CCDC158: variants seen among roughly 807,000 people sequenced by gnomAD.
CCDC158 encodes coiled-coil domain containing 158.
Under a neutral mutation model 138.6 loss-of-function variants are expected in CCDC158, and 116 were observed. The observed-to-expected ratio is 0.84, with a 90% CI of 0.72 to 0.98. The LOEUF is 0.98. Among genes scored for constraint, CCDC158 ranks in the 50% least tolerant of loss-of-function variants. The pLI is 0.00. For synonymous variants in CCDC158, 436 were observed against 442.4 expected, an observed-to-expected ratio of 0.99 and a Z score of 0.18; for missense variants, 1,265 against 1,306.1, an observed-to-expected ratio of 0.97 and a Z score of 0.48.
At chr4:76,340,695 C>A (rs1721967128) in intron 18 of CCDC158, among the ~76,000 whole-genome samples, 1 of 151,946 alleles carries the variant, frequency 6.6e-6, no homozygotes, top group South Asian at 2.1e-4. Context: ...CATCTAGTTG[C>A]AGGAAAACAA....
intron 9 of CCDC158, among the ~76,000 whole-genome samples, chr4:76,378,303 C>T (rs1252701489): frequency 3.9e-5 from 6 of 152,178 alleles, no homozygotes; most frequent in Non-Finnish European, 5.9e-5. Flanking sequence ...TACTGTTACC[C>T]TATAGAATTG....
At chr4:76,357,345 G>A in intron 14 of CCDC158, 29 bp downstream of exon 14, 1 of 1,451,562 alleles carries the variant, frequency 6.9e-7, no homozygotes, top group African/African-American at 1.4e-5. Context: ...AAAAACAGAA[G>A]AAAAAATTTT....
chr4:76,328,563 C>T (rs78398915), intron 22 of CCDC158, among the ~76,000 whole-genome samples: 4,021 of 152,288 alleles, frequency 0.026, 176 homozygotes, highest in African/African-American at 0.092. Flanking sequence ...GAATAACAGG[C>T]ATGAGCCATC....
chr4:76,379,507 T>A, intron 8 of CCDC158, 103 bp from the exon 9 acceptor site: 1 of 556,516 alleles, frequency 1.8e-6, no homozygotes, highest in Non-Finnish European at 3.0e-6. Flanking sequence ...TTATTTTATA[T>A]GGCATTATTA....
intron 2 of CCDC158, among the ~76,000 whole-genome samples, chr4:76,404,075 G>A (rs1728623996): frequency 6.6e-6 from 1 of 152,066 alleles, no homozygotes; most frequent in Non-Finnish European, 1.5e-5. Flanking sequence ...GGTTTCTTGG[G>A]GTGAATGAGA....
intron 3 of CCDC158, among the ~76,000 whole-genome samples, chr4:76,397,639 T>G (rs1210570482): frequency 3.9e-5 from 6 of 152,194 alleles, no homozygotes; most frequent in Non-Finnish European, 7.3e-5. Flanking sequence ...AATGAATAAA[T>G]GTACTGAAGT....
chr4:76,398,317 T>C (rs1728011554), intron 3 of CCDC158, among the ~76,000 whole-genome samples: 1 of 152,186 alleles, frequency 6.6e-6, no homozygotes, highest in East Asian at 1.9e-4. Context: ...GGGGGAAATG[T>C]AACTTTCAAT....
chr4:76,386,641 A>G (rs1726821003), intron 4 of CCDC158, among the ~76,000 whole-genome samples: 1 of 92,630 alleles, frequency 1.1e-5, no homozygotes. Context: ...ACCCTCCACC[A>G]TTAAAAATAT....
chr4:76,336,970 A>T (rs1359343199), intron 18 of CCDC158, among the ~76,000 whole-genome samples: 1 of 152,194 alleles, frequency 6.6e-6, no homozygotes, highest in African/African-American at 2.4e-5. Context: ...TATTCACTAC[A>T]ACAATAGAAA....
chr4:76,345,586 A>G, intron 18 of CCDC158: 1 of 1,065,620 alleles, frequency 9.4e-7, no homozygotes, highest in Non-Finnish European at 1.5e-6. Context: ...TTCAAGAATA[A>G]CTGATATGCC....
chr4:76,345,515 T>C, intron 18 of CCDC158: 1 of 934,630 alleles, frequency 1.1e-6, no homozygotes, highest in Non-Finnish European at 1.8e-6. Context: ...TTGAAATGTC[T>C]GAACTGGAAA....
At chr4:76,326,074 A>G in intron 22 of CCDC158, 59 bp from the exon 23 acceptor site, 1 of 1,370,116 alleles carries the variant, frequency 7.3e-7, no homozygotes, top group Non-Finnish European at 1.0e-6. Context: ...AGCAAACTGC[A>G]CCTCTCAAAA....
At chr4:76,335,191 C>T (rs1721366076) in intron 18 of CCDC158, among the ~76,000 whole-genome samples, 1 of 152,256 alleles carries the variant, frequency 6.6e-6, no homozygotes, top group South Asian at 2.1e-4. Context: ...GGATGTGAAT[C>T]ACTTTGTCAA....
Position 76,421,119 on chromosome 4 carries a change from C to T in CCDC158, c.-271G>A, listed in dbSNP as rs1730092546. On this transcript the variant is annotated 5_prime_UTR_variant, in exon 1 of 25. Transcript: ENST00000682701. ...CGGAGGCTGCGGGGCGGCTCCTCCT[C>T]CTCGGCTGCGGCGCCGGAAGCTGCC... 6.6e-6 allele frequency among the ~76,000 whole-genome samples: 1 copy of T among 152,050 alleles called. No individual in the cohort carries two copies. Among genetic ancestry groups the T allele is most frequent in the South Asian group, 2.1e-4 (1 of 4,828 alleles).
rs771940705 is a variant in CCDC158, at chr4:76,367,295, T to C, written c.1829A>G (p.Lys610Arg). The C allele has an allele frequency of 3.1e-6, 5 of 1,609,042 alleles. No individual in the cohort carries two copies. In the Admixed American group the frequency reaches 8.4e-5, roughly 27 times the overall value. The change falls in exon 12 of 25, where the codon AAG (lysine) becomes AGG (arginine). Residue 610 changes from lysine (K) to arginine (R), a missense_variant and splice_region_variant. Lys to Arg is a conservative substitution (Grantham distance 26). Coordinates refer to ENST00000682701, the MANE Select transcript of CCDC158 (RefSeq NM_001394954.1). ...AAATCACAAAAAAACTCTACAGACC[T>C]TAAGTTCCTTTAGTTCCATCCGCCT... The part of the protein sequence containing the change: ...NDRRMELKEL[K>R]ILKDKKDAKI...
At position 76,403,273 on chromosome 4, in the gene CCDC158, G is replaced by T; in HGVS notation, c.-66C>A. 8.9e-7 allele frequency: 1 copy of T among 1,123,082 alleles called. No individual in the cohort carries two copies. The highest frequency in any genetic ancestry group is 1.3e-6 in the Non-Finnish European group (1 of 772,470). The allele number at this position is 1,123,082 out of a possible 1,614,324, so 69.6% of individuals were successfully genotyped here. ...AATGGTTCCCTCTTTGGTTCTTTTG[G>T]TTCCTGTCTATGAAAGACAGAGATT... On this transcript the variant is annotated 5_prime_UTR_variant, in exon 3 of 25. Transcript: ENST00000682701.
At chr4:76,368,553 T>G (rs1186154080) in intron 11 of CCDC158, among the ~76,000 whole-genome samples, 4 of 152,154 alleles carry the variant, frequency 2.6e-5, no homozygotes, top group African/African-American at 9.7e-5. Flanking sequence ...TATGTCCCTG[T>G]GGCAGTAACT....
At chr4:76,339,985 T>C (rs1264563542) in intron 18 of CCDC158, among the ~76,000 whole-genome samples, 2 of 152,190 alleles carry the variant, frequency 1.3e-5, no homozygotes, top group East Asian at 1.9e-4. Flanking sequence ...TTTTGGGTTA[T>C]GAGAGCCGCT....
intron 18 of CCDC158, among the ~76,000 whole-genome samples, chr4:76,347,612 C>T (rs914207171): frequency 2.6e-5 from 4 of 152,006 alleles, no homozygotes; most frequent in African/African-American, 7.2e-5. Context: ...ATGTAGATGA[C>T]GGGTTGATCG....
Sources: gnomAD v4.1 joint callset for allele counts (sites outside exome capture counted in the v4.1 genomes callset) on GRCh38, gnomAD v4.1.1 for gene constraint, MANE v1.5 for transcripts, NCBI Gene and HGNC (gene_info 2026-07-23, HGNC 2026-07-21) for gene names.